Variants in TRABD2B observed in about 807,000 individuals in gnomAD.
The protein encoded by TRABD2B is metalloprotease TIKI2.
TRABD2B carries 14 observed loss-of-function variants against 40.1 expected under a neutral mutation model. The ratio of observed to expected loss-of-function variants is 0.35; its 90% CI spans 0.23 to 0.55. The LOEUF is 0.55. Ranked by LOEUF, TRABD2B falls within the 20% of genes least tolerant of loss-of-function variation. TRABD2B has a pLI of 0.90. For synonymous variants in TRABD2B, 263 were observed against 277.0 expected (o/e 0.95, Z 0.50); for missense variants, 541 against 648.6 (o/e 0.83, Z 1.80).
At chr1:47,919,050 C>T (rs1029784926) in intron 2 of TRABD2B, among the ~76,000 whole-genome samples, 5 of 152,218 alleles carry the variant, frequency 3.3e-5, no homozygotes, top group African/African-American at 4.8e-5. Context: ...TGGGCTCCCG[C>T]GGTCCGCCAA....
At chr1:47,936,581 A>T (rs1645109494) in intron 2 of TRABD2B, among the ~76,000 whole-genome samples, 1 of 152,132 alleles carries the variant, frequency 6.6e-6, no homozygotes, top group South Asian at 2.1e-4. Context: ...AGGAAAAGGC[A>T]TAAAAAGGAT....
chr1:47,982,929 C>G (rs932129213), intron 2 of TRABD2B, among the ~76,000 whole-genome samples: 9 of 152,174 alleles, frequency 5.9e-5, no homozygotes, highest in Non-Finnish European at 1.3e-4. Context: ...CCTCCAAGAC[C>G]ACCAGCAGGC....
chr1:47,831,326 G>C (rs914619484), intron 2 of TRABD2B, among the ~76,000 whole-genome samples: 2 of 152,184 alleles, frequency 1.3e-5, no homozygotes, highest in African/African-American at 4.8e-5. Flanking sequence ...GAGTTTAAAA[G>C]GTCAGCGTGA....
At chr1:47,964,723 C>T (rs1645573362) in intron 2 of TRABD2B, among the ~76,000 whole-genome samples, 2 of 152,102 alleles carry the variant, frequency 1.3e-5, no homozygotes, top group Admixed American at 6.5e-5. Context: ...CACCATATTA[C>T]TGTATTCCTT....
chr1:47,827,451 G>T (rs138849935), intron 2 of TRABD2B, among the ~76,000 whole-genome samples: 1 of 152,166 alleles, frequency 6.6e-6, no homozygotes, highest in African/African-American at 2.4e-5. Context: ...TAAATTGCTG[G>T]GACATGAAAC....
intron 6 of TRABD2B, among the ~76,000 whole-genome samples, chr1:47,773,637 CT>C (rs1311061714): frequency 6.6e-6 from 1 of 152,238 alleles, no homozygotes; most frequent in Non-Finnish European, 1.5e-5. Flanking sequence ...GGCTTTGCTC[CT>C]CCTTGCCTTC....
At chr1:47,834,588 C>CAT (rs1206326499) in intron 2 of TRABD2B, among the ~76,000 whole-genome samples, 5 of 152,074 alleles carry the variant, frequency 3.3e-5, no homozygotes, top group Non-Finnish European at 7.4e-5. Context: ...CGCACACACA[C>CAT]ACACACACAC....
At chr1:47,947,109 G>A (rs1371932963) in intron 2 of TRABD2B, among the ~76,000 whole-genome samples, 2 of 152,158 alleles carry the variant, frequency 1.3e-5, no homozygotes, top group African/African-American at 4.8e-5. Flanking sequence ...GCTTAGAAGA[G>A]GGAAGTAGCC....
In TRABD2B at chr1:47,997,328, G is replaced by C. The variant is rs1341623886; in HGVS notation, c.-539C>G. 3 of 532,838 alleles carry C rather than the reference G, an allele frequency of 5.6e-6. No homozygotes were observed. The highest frequency in any genetic ancestry group is 4.8e-6 in the Non-Finnish European group (2 of 420,604). 33.0% of individuals were successfully genotyped at this position (532,838 alleles called of 1,614,324 possible). A position where few individuals can be genotyped will look rare whatever the true frequency, so the allele number is the denominator to read the frequency against. ...CGGCTCAGAGGGGCGGCGGGCGGCC[G>C]CGCGGCCGCTGCCCGGGCTCCGCCA... On this transcript the variant is annotated 5_prime_UTR_variant, in exon 1 of 7. Coordinates refer to ENST00000606738, the MANE Select transcript of TRABD2B (RefSeq NM_001194986.2).
chr1:47,892,706 A>G (rs1038238932), intron 2 of TRABD2B, among the ~76,000 whole-genome samples: 3 of 152,220 alleles, frequency 2.0e-5, no homozygotes, highest in Non-Finnish European at 4.4e-5. Flanking sequence ...GTTGAGAAAG[A>G]TAAGGACTGA....
chr1:47,882,781 AGTT>A (rs1203910695), intron 2 of TRABD2B, among the ~76,000 whole-genome samples: 5 of 152,054 alleles, frequency 3.3e-5, no homozygotes, highest in Non-Finnish European at 5.9e-5. Context: ...AATAGCCATA[AGTT>A]GGTAGCTTGT....
At chr1:47,776,896 A>G (rs984758849) in intron 5 of TRABD2B, among the ~76,000 whole-genome samples, 4 of 152,202 alleles carry the variant, frequency 2.6e-5, no homozygotes, top group Non-Finnish European at 5.9e-5. Context: ...TGCTGGGGAG[A>G]TAATTCAAAA....
chr1:47,990,812 T>C (rs865958387), intron 2 of TRABD2B, among the ~76,000 whole-genome samples: 54 of 81,778 alleles, frequency 6.6e-4, no homozygotes, highest in South Asian at 5.6e-3. Flanking sequence ...TATATATATA[T>C]ATATATATAT....
chr1:47,929,562 C>G (rs1006981166), intron 2 of TRABD2B, among the ~76,000 whole-genome samples: 4 of 152,222 alleles, frequency 2.6e-5, no homozygotes, highest in African/African-American at 9.6e-5. Flanking sequence ...CCTGTGCTCT[C>G]AAATCCCACT....
chr1:47,976,874 G>C (rs76895813), intron 2 of TRABD2B, among the ~76,000 whole-genome samples: 3 of 152,074 alleles, frequency 2.0e-5, no homozygotes, highest in African/African-American at 7.2e-5. Flanking sequence ...ACATGCAGTT[G>C]TAAGAAATAA....
intron 2 of TRABD2B, among the ~76,000 whole-genome samples, chr1:47,862,229 TG>T (rs1160549761): frequency 6.6e-6 from 1 of 152,212 alleles, no homozygotes; most frequent in Admixed American, 6.5e-5. Context: ...AACACCGTAC[TG>T]GAAGTCCTAG....
chr1:47,853,354 C>T (rs762442772), intron 2 of TRABD2B, among the ~76,000 whole-genome samples: 4 of 152,210 alleles, frequency 2.6e-5, no homozygotes, highest in East Asian at 1.9e-4. Context: ...GTCCCACCTC[C>T]GGCAGCATCT....
At chr1:47,781,729 C>G (rs1324808803) in intron 4 of TRABD2B, among the ~76,000 whole-genome samples, 1 of 152,238 alleles carries the variant, frequency 6.6e-6, no homozygotes, top group East Asian at 1.9e-4. Context: ...GGTGGCTACT[C>G]CTTGCACAAC....
In TRABD2B at chr1:47,989,935, T is replaced by C. The variant is rs562749632; in HGVS notation, c.666+4099A>G. Among the ~76,000 whole-genome samples, 298 of 152,328 alleles carry C rather than the reference T, an allele frequency of 2.0e-3. 3 individuals carry two copies. The highest frequency in any genetic ancestry group is 2.6e-3 in the Non-Finnish European group (175 of 68,030). On this transcript the variant is annotated intron_variant, in intron 2 of 6. Coordinates refer to ENST00000606738, the MANE Select transcript of TRABD2B (RefSeq NM_001194986.2). ...ATCACAGCCAAATGACTTCACCTTTTCAGATCTCAATTTATGGTCTTGAAA... is the reference window on the plus strand; with the variant it reads ...ATCACAGCCAAATGACTTCACCTTTCCAGATCTCAATTTATGGTCTTGAAA...
Sources: gnomAD v4.1 joint callset for allele counts (sites outside exome capture counted in the v4.1 genomes callset) on GRCh38, gnomAD v4.1.1 for gene constraint, MANE v1.5 for transcripts, NCBI Gene and HGNC (gene_info 2026-07-23, HGNC 2026-07-21) for gene names.